The following RIT2 variants were observed in gnomAD, a reference collection of about 807,000 sequenced individuals.
RIT2 encodes the protein GTP-binding protein Rit2.
A neutral mutation model predicts 23.7 loss-of-function variants in RIT2; 24 were observed. The observed-to-expected ratio is 1.01, with a 90% CI of 0.73 to 1.43. RIT2 has a LOEUF of 1.43. Ranked by LOEUF, RIT2 falls within the 40% of genes most tolerant of loss-of-function variation. The pLI, the probability that RIT2 is intolerant of heterozygous loss-of-function variation, is 0.00. For synonymous variants in RIT2, 107 were observed against 91.1 expected (o/e 1.17, Z -0.99); for missense variants, 236 against 266.9 (o/e 0.88, Z 0.81).
At position 42,800,283 on chromosome 18, in the gene RIT2, T is replaced by C. The variant is rs867178120; in HGVS notation, c.427-56563A>G. Among the ~76,000 whole-genome samples, 3 of 152,188 alleles carry C rather than the reference T, an allele frequency of 2.0e-5. No individual in the cohort carries two copies. In the South Asian group the frequency reaches 6.2e-4, roughly 31 times the overall value. ...ACAGCACATTTCCCTGAAGCATATA[T>C]TGTTATTTTTTAAGATGATATTGAT... On this transcript the variant is annotated intron_variant, in intron 4 of 4. Coordinates refer to ENST00000326695, the MANE Select transcript of RIT2 (RefSeq NM_002930.4).
In RIT2 at chr18:42,906,366, T is replaced by C. The variant is rs150392139; in HGVS notation, c.426+17206A>G. The stretch of plus-strand genomic sequence containing the variant: ...ACATAATACTGAATATGCAGCAAAG[T>C]AGAATCATAAAACTGCTTAAATCAT... On this transcript the variant is annotated intron_variant, in intron 4 of 4. Coordinates refer to ENST00000326695, the MANE Select transcript of RIT2 (RefSeq NM_002930.4). Among the ~76,000 whole-genome samples the C allele has an allele frequency of 1.4e-3, 220 of 152,262 alleles. 1 individual carries two copies. The highest frequency in any genetic ancestry group is 2.7e-3 in the Non-Finnish European group (181 of 68,010).
chr18:42,752,581 G>A (rs1172645622), intron 4 of RIT2, among the ~76,000 whole-genome samples: 1 of 152,172 alleles, frequency 6.6e-6, no homozygotes. Context: ...TGTCTCTCAT[G>A]GGGAAACCTT....
intron 4 of RIT2, among the ~76,000 whole-genome samples, chr18:42,907,796 T>C (rs1028605817): frequency 6.6e-6 from 1 of 151,944 alleles, no homozygotes. Context: ...GCCTGGGTAA[T>C]GTAGTGAGAC....
At chr18:42,804,652 C>T (rs1171772225) in intron 4 of RIT2, among the ~76,000 whole-genome samples, 1 of 140,998 alleles carries the variant, frequency 7.1e-6, no homozygotes, top group Non-Finnish European at 1.5e-5. Context: ...CCATATTAAA[C>T]ACAATAAATG....
intron 4 of RIT2, among the ~76,000 whole-genome samples, chr18:42,901,576 TA>T: frequency 6.6e-6 from 1 of 152,152 alleles, no homozygotes; most frequent in South Asian, 2.1e-4. Flanking sequence ...TATATTGCAG[TA>T]AAATTAATGA....
rs972636065 is a variant in RIT2, at chr18:42,874,893, C to T, written c.426+48679G>A. On this transcript the variant is annotated intron_variant, in intron 4 of 4. Transcript: ENST00000326695. ...TCCAGATAAGGTTCACACAGGGCTT[C>T]CTGGTGTCATGAGAATCACACTGCA... Among the ~76,000 whole-genome samples the T allele has an allele frequency of 5.9e-5, 9 of 152,022 alleles. No homozygotes were observed. The East Asian group carries it at 9.6e-4, about 16-fold the overall frequency.
intron 4 of RIT2, among the ~76,000 whole-genome samples, chr18:42,763,239 G>T (rs550456282): frequency 6.6e-6 from 1 of 152,182 alleles, no homozygotes; most frequent in African/African-American, 2.4e-5. Context: ...AAGGCAGGTG[G>T]ATCACGAGGT....
At chr18:42,996,041 C>A (rs894841873) in intron 2 of RIT2, among the ~76,000 whole-genome samples, 1 of 152,196 alleles carries the variant, frequency 6.6e-6, no homozygotes, top group African/African-American at 2.4e-5. Flanking sequence ...TCTCCTTAGG[C>A]ACTCTCTAAT....
chr18:42,902,216 A>C (rs1382721039), intron 4 of RIT2, among the ~76,000 whole-genome samples: 1 of 151,748 alleles, frequency 6.6e-6, no homozygotes, highest in Non-Finnish European at 1.5e-5. Flanking sequence ...AGATAAACAG[A>C]AGCTCTTTGG....
intron 4 of RIT2, among the ~76,000 whole-genome samples, chr18:42,784,255 A>G (rs1913874957): frequency 7.1e-6 from 1 of 141,782 alleles, no homozygotes; most frequent in African/African-American, 2.8e-5. Flanking sequence ...GTCTTCGTTC[A>G]TCTCTCCCTT....
chr18:42,858,018 T>C (rs1236304243), intron 4 of RIT2, among the ~76,000 whole-genome samples: 1 of 152,074 alleles, frequency 6.6e-6, no homozygotes, highest in Non-Finnish European at 1.5e-5. Context: ...CTGTCTCTAC[T>C]AAAAATACTA....
intron 4 of RIT2, among the ~76,000 whole-genome samples, chr18:42,864,651 T>A (rs1190616846): frequency 6.6e-6 from 1 of 152,190 alleles, no homozygotes; most frequent in Non-Finnish European, 1.5e-5. Flanking sequence ...ACCATGCCAC[T>A]CAATCTGTTC....
chr18:42,756,019 A>G (rs1239959737), intron 4 of RIT2, among the ~76,000 whole-genome samples: 1 of 152,122 alleles, frequency 6.6e-6, no homozygotes, highest in African/African-American at 2.4e-5. Context: ...AAAGGGACTA[A>G]GAAAGGCCTA....
intron 1 of RIT2, among the ~76,000 whole-genome samples, chr18:43,115,119 T>C (rs16977274): frequency 0.026 from 3,936 of 152,248 alleles, 129 homozygotes; most frequent in African/African-American, 0.079. Flanking sequence ...AATTTCATAC[T>C]TATTTTTATT....
chr18:42,900,274 T>C (rs1245142101), intron 4 of RIT2, among the ~76,000 whole-genome samples: 1 of 152,116 alleles, frequency 6.6e-6, no homozygotes, highest in South Asian at 2.1e-4. Flanking sequence ...AGATATGGTA[T>C]AGACACTTAA....
At chr18:43,010,905 A>G (rs1472447659) in intron 2 of RIT2, among the ~76,000 whole-genome samples, 1 of 151,824 alleles carries the variant, frequency 6.6e-6, no homozygotes, top group East Asian at 1.9e-4. Flanking sequence ...TGGGAGAACA[A>G]TAGCTGTTCC....
At chr18:42,914,675 CAG>C (rs1908859673) in intron 4 of RIT2, among the ~76,000 whole-genome samples, 1 of 151,898 alleles carries the variant, frequency 6.6e-6, no homozygotes, top group South Asian at 2.1e-4. Flanking sequence ...AGAGTAATGG[CAG>C]AGTTGAGTGT....
At chr18:43,067,473 G>C (rs1054777322) in intron 1 of RIT2, among the ~76,000 whole-genome samples, 2 of 152,138 alleles carry the variant, frequency 1.3e-5, no homozygotes, top group African/African-American at 4.8e-5. Context: ...TGGGAGACAT[G>C]AGACATCAAT....
At chr18:43,009,624 A>G (rs1257155592) in intron 2 of RIT2, among the ~76,000 whole-genome samples, 2 of 151,648 alleles carry the variant, frequency 1.3e-5, no homozygotes, top group South Asian at 2.1e-4. Context: ...CTTATTAAAG[A>G]CAATTTCAGA....
Sources: gnomAD v4.1 joint callset for allele counts (sites outside exome capture counted in the v4.1 genomes callset) on GRCh38, gnomAD v4.1.1 for gene constraint, MANE v1.5 for transcripts, NCBI Gene and HGNC (gene_info 2026-07-23, HGNC 2026-07-21) for gene names.